PDGFD: variants seen among roughly 807,000 people sequenced by gnomAD.
PDGFD encodes the protein platelet-derived growth factor D.
A neutral mutation model predicts 44.7 loss-of-function variants in PDGFD; 30 were observed. The observed-to-expected ratio is 0.67, with a 90% CI of 0.50 to 0.91. The LOEUF is 0.91. Among genes scored for constraint, PDGFD ranks in the 40% least tolerant of loss-of-function variants. The pLI, the probability that PDGFD is intolerant of heterozygous loss-of-function variation, is 0.00. For missense variants in PDGFD, 445 were observed against 457.8 expected (o/e 0.97, Z 0.25); for synonymous variants, 173 against 168.4 (o/e 1.03, Z -0.21).
intron 3 of PDGFD, among the ~76,000 whole-genome samples, chr11:103,965,845 C>T (rs1041789078): frequency 6.6e-6 from 1 of 152,134 alleles, no homozygotes; most frequent in Non-Finnish European, 1.5e-5. Flanking sequence ...TCGACAGCCT[C>T]TTGATATCCA....
At position 103,951,598 on chromosome 11, in the gene PDGFD, A is replaced by C. The variant is rs182613528; in HGVS notation, c.511-3874T>G. On this transcript the variant is annotated intron_variant, in intron 3 of 6. Transcript: ENST00000393158. ...ATAACCTACCTTTCCCACTACCTCCACTCCTGCTACACTGGCCTTCTTTCA... is the reference window on the plus strand; with the variant it reads ...ATAACCTACCTTTCCCACTACCTCCCCTCCTGCTACACTGGCCTTCTTTCA... Among the ~76,000 whole-genome samples the C allele has an allele frequency of 1.3e-4, 19 of 151,346 alleles. No individual in the cohort carries two copies. In the East Asian group the frequency reaches 3.3e-3, roughly 26 times the overall value.
At chr11:104,145,847 C>A (rs544059717) in intron 1 of PDGFD, among the ~76,000 whole-genome samples, 1 of 152,058 alleles carries the variant, frequency 6.6e-6, no homozygotes, top group African/African-American at 2.4e-5. Flanking sequence ...GTATAGGACA[C>A]GTGTTCTTTT....
At chr11:104,072,516 T>C (rs960302365) in intron 1 of PDGFD, among the ~76,000 whole-genome samples, 3 of 151,886 alleles carry the variant, frequency 2.0e-5, no homozygotes, top group Non-Finnish European at 4.4e-5. Context: ...AATCGTATCA[T>C]CTACATATAG....
chr11:103,923,978 T>C (rs994556262), intron 6 of PDGFD, among the ~76,000 whole-genome samples: 10 of 152,172 alleles, frequency 6.6e-5, no homozygotes, highest in Non-Finnish European at 1.5e-4. Context: ...TCAAGAGTTT[T>C]CCCCTCTACA....
chr11:103,926,908 A>G lies in PDGFD; in HGVS notation c.987+4T>C. The G allele has an allele frequency of 5.6e-6, 9 of 1,611,896 alleles. No individual in the cohort carries two copies. Among genetic ancestry groups the G allele is most frequent in the Non-Finnish European group, 7.6e-6 (9 of 1,178,560 alleles). On this transcript the variant is annotated splice_donor_region_variant and intron_variant, in intron 6 of 6. Coordinates refer to ENST00000393158, the MANE Select transcript of PDGFD (RefSeq NM_025208.5). ...TTGCAACAAGAAATCTAAGAATGAC[A>G]TACCTCATGATACTTTTTCACGGTT...
chr11:104,108,363 A>G (rs1187911235), intron 1 of PDGFD, among the ~76,000 whole-genome samples: 3 of 152,152 alleles, frequency 2.0e-5, no homozygotes, highest in Non-Finnish European at 4.4e-5. Context: ...TATAAGAAAA[A>G]AAAAACTCCA....
At chr11:104,084,822 T>TATATTTTATAAGTATTATAAAATAA (rs1861103920) in intron 1 of PDGFD, among the ~76,000 whole-genome samples, 1 of 145,910 alleles carries the variant, frequency 6.9e-6, no homozygotes, top group Non-Finnish European at 1.5e-5. Context: ...TTATAAAATA[T>TATATTTTATAAGTATTATAAAATAA]AAATATAAAA....
chr11:104,049,922 G>C (rs766547697), intron 1 of PDGFD, among the ~76,000 whole-genome samples: 2 of 152,130 alleles, frequency 1.3e-5, no homozygotes, highest in Non-Finnish European at 2.9e-5. Flanking sequence ...GAGGAGGTGG[G>C]AGAGCAACTA....
chr11:104,022,245 T>C (rs1285881393), intron 1 of PDGFD, among the ~76,000 whole-genome samples: 1 of 152,182 alleles, frequency 6.6e-6, no homozygotes, highest in East Asian at 1.9e-4. Flanking sequence ...GTAGAGTTTG[T>C]ATTTCACACT....
At chr11:104,060,733 C>T (rs980436377) in intron 1 of PDGFD, among the ~76,000 whole-genome samples, 4 of 152,142 alleles carry the variant, frequency 2.6e-5, no homozygotes, top group Admixed American at 1.3e-4. Flanking sequence ...CCATATGGTG[C>T]TTCTGTGCGT....
At position 103,940,496 on chromosome 11, in the gene PDGFD, CAA is replaced by C. The variant is rs1447444054; in HGVS notation, c.772+2954_772+2955del. ...AGACTTTTTGGAGATCCTGAAAAGGCAAAGTTTTATTTGACACCTAATGGACT... is the reference window on the plus strand; with the variant it reads ...AGACTTTTTGGAGATCCTGAAAAGGCAGTTTTATTTGACACCTAATGGACT... On this transcript the variant is annotated intron_variant, in intron 5 of 6. Coordinates refer to ENST00000393158, the MANE Select transcript of PDGFD (RefSeq NM_025208.5). Among the ~76,000 whole-genome samples, 20 of 152,198 alleles carry C rather than the reference CAA, an allele frequency of 1.3e-4. No individual in the cohort carries two copies. The East Asian group carries it at 3.1e-3, about 24-fold the overall frequency.
chr11:104,009,130 T>C (rs1859745317), intron 1 of PDGFD, among the ~76,000 whole-genome samples: 2 of 152,118 alleles, frequency 1.3e-5, no homozygotes, highest in Non-Finnish European at 2.9e-5. Flanking sequence ...CTGGTTTATA[T>C]ATTAATTCTG....
intron 1 of PDGFD, among the ~76,000 whole-genome samples, chr11:104,054,147 G>A (rs1390006695): frequency 6.6e-6 from 1 of 152,194 alleles, no homozygotes; most frequent in Non-Finnish European, 1.5e-5. Context: ...TGGATTACAT[G>A]TTTATTTCAT....
intron 1 of PDGFD, among the ~76,000 whole-genome samples, chr11:104,053,291 T>C (rs370498366): frequency 7.9e-5 from 12 of 152,200 alleles, no homozygotes; most frequent in African/African-American, 2.9e-4. Flanking sequence ...AGATATTATT[T>C]TGTTCTTTCT....
chr11:104,000,037 T>G lies in PDGFD; in HGVS notation c.329+14A>C. 6.2e-7 allele frequency: 1 copy of G among 1,609,498 alleles called. No homozygotes were observed. The highest frequency in any genetic ancestry group is 8.5e-7 in the Non-Finnish European group (1 of 1,176,682). ...CCTTGAAATAGTACCGTAAAAATTT[T>G]TTTCCCAACTTACCTACAGATATCA... On this transcript the variant is annotated intron_variant, in intron 2 of 6. Transcript: ENST00000393158.
chr11:103,966,098 C>T (rs974927220), intron 3 of PDGFD, among the ~76,000 whole-genome samples: 46 of 152,110 alleles, frequency 3.0e-4, no homozygotes, highest in Non-Finnish European at 6.0e-4. Context: ...AAGCCAAAAA[C>T]TATTTGGGTC....
chr11:104,071,162 T>G (rs991467630), intron 1 of PDGFD, among the ~76,000 whole-genome samples: 3 of 151,994 alleles, frequency 2.0e-5, no homozygotes, highest in Non-Finnish European at 2.9e-5. Flanking sequence ...CTACTAACTA[T>G]AAGCACAATA....
intron 1 of PDGFD, among the ~76,000 whole-genome samples, chr11:104,050,240 G>A (rs148230249): frequency 2.2e-4 from 33 of 152,164 alleles, no homozygotes; most frequent in Middle Eastern, 6.8e-3. Context: ...AGCGCACGTG[G>A]GTGTAAATGC....
At chr11:103,966,508 T>A (rs1282384694) in intron 3 of PDGFD, among the ~76,000 whole-genome samples, 1 of 152,122 alleles carries the variant, frequency 6.6e-6, no homozygotes, top group Non-Finnish European at 1.5e-5. Context: ...AAGATAAGAA[T>A]ATAAGGTAAC....
Sources: allele counts gnomAD v4.1 joint callset (sites outside exome capture counted in the v4.1 genomes callset), GRCh38; gene constraint gnomAD v4.1.1; transcripts MANE v1.5; gene names NCBI Gene and HGNC (gene_info 2026-07-23, HGNC 2026-07-21).